ROR2: variants seen among roughly 807,000 people sequenced by gnomAD.
ROR2 encodes tyrosine-protein kinase transmembrane receptor ROR2.
ROR2 carries 33 observed loss-of-function variants against 74.9 expected under a neutral mutation model. The ratio of observed to expected loss-of-function variants is 0.44; its 90% CI spans 0.33 to 0.59. The LOEUF (loss-of-function observed/expected upper bound fraction) is 0.59. ROR2 is among the 20% of genes least tolerant of loss of function. The pLI, the probability that ROR2 is intolerant of heterozygous loss-of-function variation, is 0.02. For missense variants in ROR2, 1,216 were observed against 1,313.8 expected (o/e 0.93, Z 1.15); for synonymous variants, 586 against 558.7 (o/e 1.05, Z -0.69).
At chr9:91,871,547 TC>T (rs1252004224) in intron 1 of ROR2, among the ~76,000 whole-genome samples, 1 of 152,206 alleles carries the variant, frequency 6.6e-6, no homozygotes, top group Non-Finnish European at 1.5e-5. Flanking sequence ...TACAACAATA[TC>T]TTCCATCTCA....
At chr9:91,792,377 A>T (rs1045688379) in intron 1 of ROR2, among the ~76,000 whole-genome samples, 2 of 90,964 alleles carry the variant, frequency 2.2e-5, no homozygotes, top group East Asian at 7.3e-4. Context: ...GTGCAATCTC[A>T]GCTCACTGCA....
chr9:91,850,911 AT>A (rs1829069191), intron 1 of ROR2, among the ~76,000 whole-genome samples: 1 of 151,964 alleles, frequency 6.6e-6, no homozygotes, highest in Admixed American at 6.6e-5. Context: ...ATTCTCATCT[AT>A]TTTTTTCAGG....
intron 1 of ROR2, among the ~76,000 whole-genome samples, chr9:91,942,557 T>G (rs1831902193): frequency 6.6e-6 from 1 of 152,194 alleles, no homozygotes. Context: ...CTCTAGGAAG[T>G]GCCCTCTCTT....
rs2118597632 is a variant in ROR2, at chr9:91,722,865, AT to A, written c.*796del. 2 of 511,182 alleles carry A rather than the reference AT, an allele frequency of 3.9e-6. No individual in the cohort carries two copies. The highest frequency in any genetic ancestry group is 3.8e-5 in the African/African-American group (2 of 52,324). 31.7% of individuals were successfully genotyped at this position (511,182 alleles called of 1,614,324 possible). On this transcript the variant is annotated 3_prime_UTR_variant, in exon 9 of 9. Transcript: ENST00000375708. ...GGCATATTAAAAACATATAAATTAC[AT>A]TTAAGCTCTGTACATGATTCTTAAC... is the stretch of plus-strand genomic sequence containing the variant.
intron 1 of ROR2, among the ~76,000 whole-genome samples, chr9:91,878,521 A>G (rs1830016843): frequency 1.3e-5 from 2 of 152,176 alleles, no homozygotes; most frequent in Admixed American, 6.5e-5. Flanking sequence ...GTAGTTTCCT[A>G]AGGACAGAGT....
chr9:91,746,559 C>T (rs960053735), intron 4 of ROR2, among the ~76,000 whole-genome samples: 50 of 152,250 alleles, frequency 3.3e-4, no homozygotes, highest in African/African-American at 1.1e-3. Context: ...ACACACTTGG[C>T]GAGCGGTGCC....
At chr9:91,736,033 A>G (rs1347715115) in intron 5 of ROR2, among the ~76,000 whole-genome samples, 1 of 152,216 alleles carries the variant, frequency 6.6e-6, no homozygotes, top group Non-Finnish European at 1.5e-5. Flanking sequence ...GTATGTGTAC[A>G]CTAAGTCATG....
intron 1 of ROR2, among the ~76,000 whole-genome samples, chr9:91,781,448 A>C (rs888028763): frequency 5.3e-5 from 8 of 152,250 alleles, no homozygotes; most frequent in African/African-American, 1.7e-4. Context: ...GTTAAGGAAG[A>C]AAAGTTAAAA....
intron 1 of ROR2, among the ~76,000 whole-genome samples, chr9:91,933,913 G>T (rs1328760773): frequency 6.6e-6 from 1 of 152,220 alleles, no homozygotes; most frequent in African/African-American, 2.4e-5. Context: ...AAATGAACTG[G>T]ATGGTAGTAA....
chr9:91,937,719 C>G (rs1420546817), intron 1 of ROR2, among the ~76,000 whole-genome samples: 1 of 152,054 alleles, frequency 6.6e-6, no homozygotes, highest in Non-Finnish European at 1.5e-5. Context: ...GACCCTGAGT[C>G]TTTTTATCTT....
intron 1 of ROR2, among the ~76,000 whole-genome samples, chr9:91,874,555 C>T (rs1360389977): frequency 6.6e-6 from 1 of 152,198 alleles, no homozygotes; most frequent in Admixed American, 6.5e-5. Context: ...ATACTGTAAA[C>T]ATCTGACCTC....
intron 1 of ROR2, among the ~76,000 whole-genome samples, chr9:91,926,824 G>A (rs1452448577): frequency 6.6e-6 from 1 of 152,106 alleles, no homozygotes; most frequent in Non-Finnish European, 1.5e-5. Flanking sequence ...AATTGGGGTT[G>A]CCAGGAACTC....
intron 1 of ROR2, among the ~76,000 whole-genome samples, chr9:91,806,861 T>A: frequency 6.6e-6 from 1 of 152,110 alleles, no homozygotes; most frequent in East Asian, 1.9e-4. Flanking sequence ...AGTGCTGGGA[T>A]TACAGGCATA....
chr9:91,939,864 C>G, intron 1 of ROR2, among the ~76,000 whole-genome samples: 1 of 152,148 alleles, frequency 6.6e-6, no homozygotes, highest in South Asian at 2.1e-4. Flanking sequence ...AACAAGAGCA[C>G]CCACCAAAAG....
At chr9:91,832,094 G>A (rs976191875) in intron 1 of ROR2, among the ~76,000 whole-genome samples, 2 of 152,094 alleles carry the variant, frequency 1.3e-5, no homozygotes, top group Admixed American at 6.6e-5. Context: ...AGAGCAGGAT[G>A]AGGAATGGAG....
At chr9:91,893,720 T>C (rs1005794261) in intron 1 of ROR2, among the ~76,000 whole-genome samples, 3 of 152,138 alleles carry the variant, frequency 2.0e-5, no homozygotes, top group Non-Finnish European at 4.4e-5. Context: ...CCTCTCCCTC[T>C]ACCTTCAAAC....
intron 1 of ROR2, among the ~76,000 whole-genome samples, chr9:91,914,354 G>A (rs1158531153): frequency 6.6e-6 from 1 of 152,164 alleles, no homozygotes; most frequent in Non-Finnish European, 1.5e-5. Context: ...AAATTCCCAA[G>A]AGATACCCTG....
intron 1 of ROR2, among the ~76,000 whole-genome samples, chr9:91,841,266 G>A (rs951999326): frequency 6.6e-6 from 1 of 152,204 alleles, no homozygotes; most frequent in Non-Finnish European, 1.5e-5. Context: ...AAATACATGA[G>A]TCCACGGAAA....
chr9:91,726,399 A>C, intron 8 of ROR2, 142 bp downstream of exon 8: 1 of 847,440 alleles, frequency 1.2e-6, no homozygotes, highest in Non-Finnish European at 1.9e-6. Context: ...TTACAGAAAA[A>C]AAAAATGGCA....
Sources: gnomAD v4.1 joint callset for allele counts (sites outside exome capture counted in the v4.1 genomes callset) on GRCh38, gnomAD v4.1.1 for gene constraint, MANE v1.5 for transcripts, NCBI Gene and HGNC (gene_info 2026-07-23, HGNC 2026-07-21) for gene names.